The following BCKDHB variants were observed in gnomAD, a reference collection of about 807,000 sequenced individuals.
BCKDHB encodes branched chain keto acid dehydrogenase E1 subunit beta, also known as 2-oxoisovalerate dehydrogenase subunit beta, mitochondrial.
In BCKDHB, 41 loss-of-function variants were observed where a neutral mutation model predicts 48.5. The ratio of observed to expected loss-of-function variants is 0.85; its 90% CI spans 0.66 to 1.10. BCKDHB has a LOEUF of 1.10. Among genes scored for constraint, BCKDHB ranks in the 50% least tolerant of loss-of-function variants. BCKDHB has a pLI of 0.00. For synonymous variants in BCKDHB, 201 were observed against 174.8 expected, an observed-to-expected ratio of 1.15 and a Z score of -1.18; for missense variants, 496 against 494.2, an observed-to-expected ratio of 1.00 and a Z score of -0.03.
At chr6:80,326,018 CTCAATACAGGT>C (rs968910388) in intron 9 of BCKDHB, among the ~76,000 whole-genome samples, 61 of 152,224 alleles carry the variant, frequency 4.0e-4, no homozygotes, top group African/African-American at 1.4e-3. Context: ...CCGAGGAAAT[CTCAATACAGGT>C]TGGGCTTTAG....
chr6:80,126,387 A>G lies in BCKDHB; in HGVS notation c.197-1160A>G, dbSNP rs372377467. On this transcript the variant is annotated intron_variant, in intron 1 of 9. Transcript: ENST00000320393. ...CTAGGGAAGAAAATGGGTCTCCAGG[A>G]AAAGGACAAGTGACCAATGTCCCAT... Among the ~76,000 whole-genome samples, 11 of 152,290 alleles carry G rather than the reference A, an allele frequency of 7.2e-5. No individual in the cohort carries two copies. In the East Asian group the frequency reaches 1.9e-3, roughly 27 times the overall value.
At chr6:80,421,137 G>T in the BCKDHB span, among the ~76,000 whole-genome samples, 1 of 152,074 alleles carries the variant, frequency 6.6e-6, no homozygotes, top group Non-Finnish European at 1.5e-5. Flanking sequence ...CATGGGGTTG[G>T]TTTCCCCCAT....
At chr6:80,243,100 C>G (rs192622701) in intron 8 of BCKDHB, among the ~76,000 whole-genome samples, 82 of 152,254 alleles carry the variant, frequency 5.4e-4, no homozygotes, top group Non-Finnish European at 9.8e-4. Flanking sequence ...TGGCCAGAAT[C>G]TAGTCACTGA....
Position 80,119,964 on chromosome 6 carries a change from G to A in BCKDHB, c.197-7583G>A, listed in dbSNP as rs6909039. On this transcript the variant is annotated intron_variant, in intron 1 of 9. Transcript: ENST00000320393. ...GCCATGTTGTTTTGCTGCACCCATC[G>A]ACTCATCATTTACATTAGGTATTTC... Among the ~76,000 whole-genome samples the A allele has an allele frequency of 8.5e-4, 129 of 151,590 alleles. 1 individual carries two copies. Among genetic ancestry groups the A allele is most frequent in the African/African-American group, 3.0e-3 (126 of 41,314 alleles).
intron 9 of BCKDHB, among the ~76,000 whole-genome samples, chr6:80,290,200 G>A (rs141584308): frequency 6.6e-6 from 1 of 152,162 alleles, no homozygotes; most frequent in African/African-American, 2.4e-5. Flanking sequence ...CAAGATCTGT[G>A]GCCAGCACTC....
At position 80,304,942 on chromosome 6, in the gene BCKDHB, A is replaced by G. The variant is rs114775659; in HGVS notation, c.1038+31721A>G. Among the ~76,000 whole-genome samples the G allele has an allele frequency of 9.3e-3, 1,422 of 152,266 alleles. 28 individuals carry two copies. Among genetic ancestry groups the G allele is most frequent in the African/African-American group, 0.032 (1,351 of 41,572 alleles). The stretch of plus-strand genomic sequence containing the variant: ...CTACCAAAAACCTGTAACAACCACT[A>G]TATTTAATGGTAAAATATTGGAAGC... On this transcript the variant is annotated intron_variant, in intron 9 of 9. Transcript: ENST00000320393.
chr6:80,306,054 G>A (rs1005276967), intron 9 of BCKDHB, among the ~76,000 whole-genome samples: 3 of 152,086 alleles, frequency 2.0e-5, no homozygotes, highest in African/African-American at 4.8e-5. Context: ...TATGGCTATC[G>A]TGAAGATTAA....
At chr6:80,156,664 G>A (rs1288125576) in intron 3 of BCKDHB, among the ~76,000 whole-genome samples, 1 of 152,068 alleles carries the variant, frequency 6.6e-6, no homozygotes, top group Non-Finnish European at 1.5e-5. Context: ...TGTTTGGAAC[G>A]AGGTCTGATT....
chr6:80,404,949 G>A, the BCKDHB span, among the ~76,000 whole-genome samples: 1 of 152,072 alleles, frequency 6.6e-6, no homozygotes, highest in Admixed American at 6.6e-5. Flanking sequence ...GACTGATTTT[G>A]TGGCCTGCCG....
chr6:80,465,225 A>G, the BCKDHB span, among the ~76,000 whole-genome samples: 1 of 152,214 alleles, frequency 6.6e-6, no homozygotes, highest in African/African-American at 2.4e-5. Flanking sequence ...GGCTGACTGC[A>G]TAGCCCTGCA....
At chr6:80,180,770 C>A (rs1487114915) in intron 6 of BCKDHB, among the ~76,000 whole-genome samples, 1 of 151,956 alleles carries the variant, frequency 6.6e-6, no homozygotes, top group Non-Finnish European at 1.5e-5. Context: ...TATTTTTTGC[C>A]AAGTATCAGT....
chr6:80,154,204 C>T (rs1023646977), intron 3 of BCKDHB, among the ~76,000 whole-genome samples: 8 of 152,108 alleles, frequency 5.3e-5, no homozygotes, highest in Non-Finnish European at 1.2e-4. Flanking sequence ...TTTGACTTAT[C>T]GCATTGTAAG....
chr6:80,285,520 CTT>C (rs3838675), intron 9 of BCKDHB, among the ~76,000 whole-genome samples: 121,135 of 151,806 alleles, frequency 0.8, 48,509 homozygotes, highest in Admixed American at 0.87. Flanking sequence ...CATGGATACT[CTT>C]ATATCTGTTC....
chr6:80,239,285 T>A (rs1228298887), intron 8 of BCKDHB, among the ~76,000 whole-genome samples: 1 of 152,202 alleles, frequency 6.6e-6, no homozygotes, highest in Non-Finnish European at 1.5e-5. Flanking sequence ...TTTTTAATGA[T>A]CACCATTCTA....
the BCKDHB span, among the ~76,000 whole-genome samples, chr6:80,367,707 T>C: frequency 6.6e-6 from 1 of 152,214 alleles, no homozygotes; most frequent in Admixed American, 6.5e-5. Context: ...CCCCTGCACA[T>C]GCTTACTCTA....
intron 8 of BCKDHB, among the ~76,000 whole-genome samples, chr6:80,210,502 T>C (rs1444912023): frequency 6.6e-6 from 1 of 152,152 alleles, no homozygotes; most frequent in Non-Finnish European, 1.5e-5. Context: ...GAGTGCTGAT[T>C]ATTCAGGTTA....
chr6:80,140,993 G>T (rs1460538333), intron 3 of BCKDHB, among the ~76,000 whole-genome samples: 1 of 152,130 alleles, frequency 6.6e-6, no homozygotes, highest in Non-Finnish European at 1.5e-5. Flanking sequence ...CCTGTTATTG[G>T]TCTATTCAGA....
chr6:80,454,415 C>T, the BCKDHB span, among the ~76,000 whole-genome samples: 3 of 152,164 alleles, frequency 2.0e-5, no homozygotes, highest in Non-Finnish European at 4.4e-5. Flanking sequence ...ATTGGCCACA[C>T]ACTACTGAGG....
At chr6:80,405,600 T>C in the BCKDHB span, among the ~76,000 whole-genome samples, 1 of 150,428 alleles carries the variant, frequency 6.6e-6, no homozygotes, top group East Asian at 2.0e-4. Context: ...GTTCCTTTGT[T>C]TTATTTCTTC....
Sources: allele counts gnomAD v4.1 joint callset (sites outside exome capture counted in the v4.1 genomes callset), GRCh38; gene constraint gnomAD v4.1.1; transcripts MANE v1.5; gene names NCBI Gene and HGNC (gene_info 2026-07-23, HGNC 2026-07-21).